Variants in ZNF846 observed in about 807,000 individuals in gnomAD.
ZNF846 encodes the protein zinc finger protein 420 pseudogene.
A neutral mutation model predicts 16.0 loss-of-function variants in ZNF846; 15 were observed. The ratio of observed to expected loss-of-function variants is 0.94; its 90% confidence interval spans 0.63 to 1.45. ZNF846 has a LOEUF of 1.45. Among genes scored for constraint, ZNF846 ranks in the 40% most tolerant of loss-of-function variants. The pLI is 0.00. For missense variants in ZNF846, 714 were observed against 622.3 expected (o/e 1.15, Z -1.57); for synonymous variants, 229 against 212.0 (o/e 1.08, Z -0.70).
chr19:9,774,890 G>A, intron 1 of ZNF846: 12 of 1,610,036 alleles, frequency 7.5e-6, no homozygotes, highest in Non-Finnish European at 1.0e-5. Flanking sequence ...ATACTCTAAG[G>A]ACCGTAAAAA....
chr19:9,765,032 T>A (rs914497161), exon 2 of ZNF846: 4 of 1,514,008 alleles, frequency 2.6e-6, no homozygotes, highest in Non-Finnish European at 3.7e-6. Flanking sequence ...CTGGAAAAAA[T>A]GACCTTTGGA....
intron 1 of ZNF846, chr19:9,774,521 A>T: frequency 1.6e-6 from 2 of 1,266,474 alleles, no homozygotes; most frequent in Non-Finnish European, 2.3e-6. Context: ...GAGGCTGATT[A>T]AGAGCTTGAG....
rs185226239 is a variant in ZNF846 at position 9,757,842 on chromosome 19, T to C, written c.1235A>G (p.His412Arg). 2.6e-5 allele frequency: 42 copies of C among 1,613,250 alleles called. No homozygotes were observed. Among genetic ancestry groups the C allele is most frequent in the Non-Finnish European group, 3.3e-5 (39 of 1,179,916 alleles). The change falls in exon 6 of 6, where the codon CAT becomes CGT. Residue 412 changes from histidine to arginine, a missense_variant. His to Arg is a conservative substitution (Grantham distance 29). Coordinates refer to ENST00000397902, the Ensembl canonical transcript of ZNF846. ...CTTCTCTCCAGTGTGAATCCTTACA[T>C]GTTGACTAAGCATTGAGGAATTATT...
chr19:9,753,506 G>C (rs960471489), downstream of ZNF846, among the ~76,000 whole-genome samples: 7 of 150,322 alleles, frequency 4.7e-5, 1 homozygote, highest in African/African-American at 1.7e-4. Flanking sequence ...CACCCACCTT[G>C]GCCTCCCAAA....
chr19:9,761,153 A>T (rs1303688303), intron 4 of ZNF846, among the ~76,000 whole-genome samples: 3 of 148,316 alleles, frequency 2.0e-5, no homozygotes, highest in African/African-American at 7.9e-5. Flanking sequence ...CAGTGAGCCA[A>T]GATGGCTCCA....
chr19:9,754,928 C>T (rs1025491977), downstream of ZNF846, among the ~76,000 whole-genome samples: 4 of 150,660 alleles, frequency 2.7e-5, no homozygotes, highest in South Asian at 2.1e-4. Context: ...TCCAATGGTG[C>T]GATTTCGAGT....
At position 9,758,728 on chromosome 19, in the gene ZNF846, TAG is replaced by T. The variant is rs1568322206; in HGVS notation, c.347_348del (p.Ser116Ter). The T allele has an allele frequency of 4.4e-6, 7 of 1,598,494 alleles. No individual in the cohort carries two copies. Among genetic ancestry groups the T allele is most frequent in the East Asian group, 2.2e-5 (1 of 44,538 alleles). On this transcript the variant is annotated frameshift_variant, in exon 6 of 6. Coordinates refer to ENST00000397902, the Ensembl canonical transcript of ZNF846. LOFTEE classifies it low-confidence loss of function (END_TRUNC). Reference sequence around the variant, plus strand: ...TCATTGAAGACTTTTCCAGAATGGTTAGAGTCATACAGTTTCTCTGCAGTATT... The same window carrying T: ...TCATTGAAGACTTTTCCAGAATGGTTAGTCATACAGTTTCTCTGCAGTATT...
chr19:9,757,771 C>T, exon 6 of ZNF846: 1 of 1,613,484 alleles, frequency 6.2e-7, no homozygotes, highest in Non-Finnish European at 8.5e-7. Flanking sequence ...GTACTAAGGC[C>T]CGAGGATTGA....
intron 1 of ZNF846, among the ~76,000 whole-genome samples, chr19:9,765,708 C>T (rs895362091): frequency 2.0e-5 from 3 of 152,048 alleles, no homozygotes; most frequent in African/African-American, 7.2e-5. Flanking sequence ...AAAGCATTTC[C>T]ATACCCTGCA....
chr19:9,786,000 G>A (rs1477695090), exon 1 of ZNF846: 1 of 151,492 alleles, frequency 6.6e-6, no homozygotes, highest in East Asian at 2.0e-4. Context: ...GGCAGGAGGC[G>A]CCGCTGTGGC....
intron 1 of ZNF846, among the ~76,000 whole-genome samples, chr19:9,777,447 C>T (rs2045457908): frequency 6.6e-6 from 1 of 151,268 alleles, no homozygotes; most frequent in Non-Finnish European, 1.5e-5. Flanking sequence ...TCGAGGTGGG[C>T]AGATCACGAG....
rs75774843 is a variant in ZNF846, at chr19:9,758,041, C to T, written c.1036G>A (p.Ala346Thr). The change falls in exon 6 of 6, where the codon GCT becomes ACT. Residue 346 changes from alanine (A) to threonine (T), a missense_variant. Transcript: ENST00000397902. ...GTAAGGTATGAGGAATGAATAAAAG[C>T]TTTTCCACACTCCTTACATTCATAT... is the stretch of plus-strand genomic sequence containing the variant. 5,597 of 1,613,434 alleles carry T rather than the reference C, an allele frequency of 3.5e-3. 27 individuals are homozygous for T. Among genetic ancestry groups the T allele is most frequent in the Non-Finnish European group, 4.3e-3 (5,033 of 1,179,964 alleles).
At chr19:9,761,569 G>C (rs2045229127) in intron 4 of ZNF846, among the ~76,000 whole-genome samples, 1 of 151,846 alleles carries the variant, frequency 6.6e-6, no homozygotes, top group Non-Finnish European at 1.5e-5. Flanking sequence ...AAATTAGTTG[G>C]GCGTGGTGTC....
downstream of ZNF846, among the ~76,000 whole-genome samples, chr19:9,749,374 A>G (rs888827500): frequency 6.6e-6 from 1 of 151,938 alleles, no homozygotes; most frequent in East Asian, 1.9e-4. Context: ...CTACTCGTAA[A>G]TGCCCTGCCC....
chr19:9,765,939 T>C (rs774184252), intron 1 of ZNF846, among the ~76,000 whole-genome samples: 13 of 151,878 alleles, frequency 8.6e-5, no homozygotes, highest in Non-Finnish European at 1.6e-4. Flanking sequence ...AATATACATA[T>C]ATATATATAC....
downstream of ZNF846, among the ~76,000 whole-genome samples, chr19:9,751,615 G>A (rs1279340310): frequency 1.3e-5 from 2 of 151,708 alleles, no homozygotes; most frequent in African/African-American, 2.4e-5. Context: ...CATCCCTTGT[G>A]ACAATACACC....
chr19:9,758,560 C>T (rs759616645), exon 6 of ZNF846: 1 of 1,612,394 alleles, frequency 6.2e-7, no homozygotes, highest in African/African-American at 1.3e-5. Context: ...TCATGTTTAA[C>T]ACACTTAGGC....
At chr19:9,777,141 ACACACACG>A (rs1003709435) in intron 1 of ZNF846, among the ~76,000 whole-genome samples, 37 of 146,642 alleles carry the variant, frequency 2.5e-4, no homozygotes, top group African/African-American at 9.8e-4. Context: ...AAGAAAACAC[ACACACACG>A]CACACACACA....
downstream of ZNF846, among the ~76,000 whole-genome samples, chr19:9,751,543 C>T (rs1444295407): frequency 6.6e-6 from 1 of 152,134 alleles, no homozygotes; most frequent in Non-Finnish European, 1.5e-5. Context: ...CCTCCCCACC[C>T]TTGTGAATGT....
Sources: gnomAD v4.1 joint callset for allele counts (sites outside exome capture counted in the v4.1 genomes callset) on GRCh38, gnomAD v4.1.1 for gene constraint, MANE v1.5 for transcripts, NCBI Gene and HGNC (gene_info 2026-07-23, HGNC 2026-07-21) for gene names.